The following RAB11FIP4 variants were observed in gnomAD, a reference collection of about 807,000 sequenced individuals.
The protein encoded by RAB11FIP4 is rab11 family-interacting protein 4.
RAB11FIP4 carries 23 observed loss-of-function variants against 74.3 expected under a neutral mutation model. That is an observed-to-expected ratio of 0.31 (90% confidence interval 0.22 to 0.44). RAB11FIP4 has a LOEUF of 0.44. Ranked by LOEUF, RAB11FIP4 falls within the 20% of genes least tolerant of loss-of-function variation. The pLI is 1.00. For missense variants in RAB11FIP4, 630 were observed against 863.9 expected (o/e 0.73, Z 3.39); for synonymous variants, 360 against 359.9 (o/e 1.00, Z 0.00).
intron 1 of RAB11FIP4, among the ~76,000 whole-genome samples, chr17:31,425,420 T>G (rs1265709033): frequency 6.6e-6 from 1 of 152,200 alleles, no homozygotes; most frequent in Admixed American, 6.5e-5. Context: ...ATGGCTTGCT[T>G]GAGTCCATCT....
rs1159052602 is a variant in RAB11FIP4 at position 31,533,870 on chromosome 17, G to A, written c.*2138G>A. 1.3e-5 allele frequency: 2 copies of A among 152,300 alleles called. No individual in the cohort carries two copies. Among genetic ancestry groups the A allele is most frequent in the East Asian group, 1.9e-4 (1 of 5,172 alleles). The allele number at this position is 152,300 out of a possible 1,614,324, so 9.4% of individuals were successfully genotyped here. ...CCCCGGGACCTGCTGCAGTGCCAGA[G>A]GGGCCTCTGGAGCAGGCCTGGCTTT... On this transcript the variant is annotated 3_prime_UTR_variant, in exon 15 of 15. Transcript: ENST00000621161.
chr17:31,534,069 G>A lies in RAB11FIP4; in HGVS notation c.*2337G>A, dbSNP rs1254013001. 1.3e-5 allele frequency: 2 copies of A among 152,196 alleles called. No homozygotes were observed. Among genetic ancestry groups the A allele is most frequent in the African/African-American group, 4.8e-5 (2 of 41,448 alleles). 9.4% of individuals were successfully genotyped at this position (152,196 alleles called of 1,614,324 possible). ...TAGCTTGAGGGGGCAGATGCCCCAG[G>A]TGTCCCAGCTCCACAGCCCCTGGCA... On this transcript the variant is annotated 3_prime_UTR_variant, in exon 15 of 15. Coordinates refer to ENST00000621161, the MANE Select transcript of RAB11FIP4 (RefSeq NM_032932.6).
In RAB11FIP4 at chr17:31,536,937, T is replaced by C. The variant is rs1551357; in HGVS notation, c.*5205T>C. On this transcript the variant is annotated 3_prime_UTR_variant, in exon 15 of 15. Transcript: ENST00000621161. ...ATATGACCTCCCTGCCCCGACCTCG[T>C]AGGTTGCTCCTTTCCCCATCTGTAA... The C allele has an allele frequency of 0.67, 266,689 of 398,638 alleles. 89,363 individuals are homozygous for C. The highest frequency in any genetic ancestry group is 0.75 in the East Asian group (20,939 of 28,050). The allele number at this position is 398,638 out of a possible 1,614,324, so 24.7% of individuals were successfully genotyped here. A position where few individuals can be genotyped will look rare whatever the true frequency, so the allele number is the denominator to read the frequency against.
chr17:31,392,877 CA>C (rs1046229112), intron 1 of RAB11FIP4, among the ~76,000 whole-genome samples: 2 of 152,154 alleles, frequency 1.3e-5, no homozygotes, highest in African/African-American at 4.8e-5. Context: ...CCCCTGGAGC[CA>C]AAAGCCCTGA....
At chr17:31,483,192 CAAAAAAAAAAAA>C (rs56720417) in intron 3 of RAB11FIP4, among the ~76,000 whole-genome samples, 2 of 58,570 alleles carry the variant, frequency 3.4e-5, no homozygotes, top group Non-Finnish European at 6.0e-5. Context: ...GACTGCATCT[CAAAAAAAAAAAA>C]AAAAAAAAAA....
chr17:31,453,530 G>C (rs754977997), intron 3 of RAB11FIP4, among the ~76,000 whole-genome samples: 6 of 151,928 alleles, frequency 3.9e-5, no homozygotes, highest in Non-Finnish European at 8.8e-5. Flanking sequence ...GTTGTAACTC[G>C]TGTCTTCCTC....
chr17:31,426,911 T>C (rs2071257840), intron 1 of RAB11FIP4, among the ~76,000 whole-genome samples: 2 of 152,068 alleles, frequency 1.3e-5, no homozygotes, highest in Non-Finnish European at 2.9e-5. Flanking sequence ...AATTTCACAC[T>C]TGTTTTCTAA....
chr17:31,448,539 C>A (rs1033715253), intron 3 of RAB11FIP4: 6 of 151,874 alleles, frequency 4.0e-5, no homozygotes, highest in Admixed American at 3.3e-4. Flanking sequence ...GCCCTGTTTT[C>A]TTGTAATAAA....
chr17:31,463,746 C>T (rs536919695), intron 3 of RAB11FIP4, among the ~76,000 whole-genome samples: 2 of 147,868 alleles, frequency 1.4e-5, no homozygotes, highest in Admixed American at 6.8e-5. Flanking sequence ...CTCAGGTGAT[C>T]GCTCGCCTAG....
chr17:31,507,110 T>C (rs996087297), intron 3 of RAB11FIP4, among the ~76,000 whole-genome samples: 1 of 152,168 alleles, frequency 6.6e-6, no homozygotes, highest in East Asian at 1.9e-4. Flanking sequence ...AAACCCTTTC[T>C]CTACTAAAGA....
At chr17:31,411,193 C>G (rs1416490961) in intron 1 of RAB11FIP4, among the ~76,000 whole-genome samples, 2 of 152,128 alleles carry the variant, frequency 1.3e-5, no homozygotes, top group Non-Finnish European at 2.9e-5. Flanking sequence ...GAAACCCCGT[C>G]TCTACTAAAA....
intron 3 of RAB11FIP4, among the ~76,000 whole-genome samples, chr17:31,469,055 G>A (rs1159658684): frequency 6.6e-6 from 1 of 152,162 alleles, no homozygotes; most frequent in Non-Finnish European, 1.5e-5. Context: ...TAAGCCCCTC[G>A]TAAGTATTGG....
At chr17:31,486,018 G>A (rs1443318397) in intron 3 of RAB11FIP4, among the ~76,000 whole-genome samples, 1 of 151,938 alleles carries the variant, frequency 6.6e-6, no homozygotes, top group Non-Finnish European at 1.5e-5. Context: ...GGCAGATCAT[G>A]AGGTTAGGAG....
intron 3 of RAB11FIP4, among the ~76,000 whole-genome samples, chr17:31,493,292 A>G (rs774275304): frequency 1.7e-4 from 26 of 152,210 alleles, no homozygotes; most frequent in Non-Finnish European, 3.2e-4. Flanking sequence ...GGCTCTGCTC[A>G]TGGGAGCCTT....
chr17:31,463,747 G>C (rs1041380735), intron 3 of RAB11FIP4, among the ~76,000 whole-genome samples: 1 of 136,476 alleles, frequency 7.3e-6, no homozygotes, highest in Non-Finnish European at 1.5e-5. Context: ...TCAGGTGATC[G>C]CTCGCCTAGG....
At chr17:31,523,265 G>A in intron 7 of RAB11FIP4, 1 of 555,550 alleles carries the variant, frequency 1.8e-6, no homozygotes, top group South Asian at 2.1e-5. Flanking sequence ...TGAGGCCGCA[G>A]GAGAAGCTGT....
At chr17:31,472,353 G>A (rs958273566) in intron 3 of RAB11FIP4, among the ~76,000 whole-genome samples, 2 of 152,102 alleles carry the variant, frequency 1.3e-5, no homozygotes, top group Non-Finnish European at 2.9e-5. Context: ...CCTGGGGGTC[G>A]GGGCCAGCCG....
intron 1 of RAB11FIP4, among the ~76,000 whole-genome samples, chr17:31,429,815 C>T (rs2071288596): frequency 8.3e-6 from 1 of 120,862 alleles, no homozygotes; most frequent in African/African-American, 3.3e-5. Context: ...GGCAACAGAG[C>T]GAGATTCCAT....
chr17:31,534,790 A>G lies in RAB11FIP4; in HGVS notation c.*3058A>G, dbSNP rs999063530. 1 of 153,856 alleles carries G rather than the reference A, an allele frequency of 6.5e-6. No homozygotes were observed. The highest frequency in any genetic ancestry group is 1.5e-5 in the Non-Finnish European group (1 of 68,186). 9.5% of individuals were successfully genotyped at this position (153,856 alleles called of 1,614,324 possible). Reference sequence around the variant, plus strand: ...TAGGGATTAGCAGTAACTTATCTGAAATTTAGAGGTGTTTTGGGGGTGGGG... The same window carrying G: ...TAGGGATTAGCAGTAACTTATCTGAGATTTAGAGGTGTTTTGGGGGTGGGG... On this transcript the variant is annotated 3_prime_UTR_variant, in exon 15 of 15. Transcript: ENST00000621161.
Sources: gnomAD v4.1 joint callset for allele counts (sites outside exome capture counted in the v4.1 genomes callset) on GRCh38, gnomAD v4.1.1 for gene constraint, MANE v1.5 for transcripts, NCBI Gene and HGNC (gene_info 2026-07-23, HGNC 2026-07-21) for gene names.